OAT: variants seen among roughly 807,000 people sequenced by gnomAD.
OAT encodes the protein ornithine aminotransferase, also known as ornithine aminotransferase, mitochondrial.
OAT carries 35 observed loss-of-function variants against 48.4 expected under a neutral mutation model. The ratio of observed to expected loss-of-function variants is 0.72; its 90% confidence interval spans 0.55 to 0.96. The LOEUF is 0.96. Ranked by LOEUF, OAT falls within the 40% of genes least tolerant of loss-of-function variation. The probability of loss-of-function intolerance (pLI) is 0.00; values close to 1 mark genes in which losing one functional copy is unlikely to be tolerated. For synonymous variants in OAT, 182 were observed against 198.4 expected, an observed-to-expected ratio of 0.92 and a Z score of 0.70; for missense variants, 438 against 537.9, an observed-to-expected ratio of 0.81 and a Z score of 1.84.
At chr10:124,401,055 T>G in intron 8 of OAT, 71 bp from the exon 9 acceptor site, 2 of 1,079,566 alleles carry the variant, frequency 1.9e-6, no homozygotes, top group Admixed American at 4.4e-5. Context: ...CAACGGGGAC[T>G]GTAAACACAG....
In OAT at chr10:124,400,862, A is replaced by C. The variant is rs1390940241; in HGVS notation, c.1137T>G (p.Ala379=). The part of the protein sequence containing the change: ...TAVRGKGLLN[A]IVIKETKDWD... ...TACCTTTGGTTTCTTTAATGACAAT[A>C]GCGTTTAATAATCCTTTTCCTCTTA... Residue 379 remains alanine (A), a synonymous_variant, in exon 9 of 10, where the codon GCT becomes GCG. Transcript: ENST00000368845. 5.0e-6 allele frequency: 8 copies of C among 1,604,390 alleles called. No individual in the cohort carries two copies. Among genetic ancestry groups the C allele is most frequent in the Non-Finnish European group, 6.8e-6 (8 of 1,173,256 alleles).
In OAT at chr10:124,397,920, C is replaced by G; in HGVS notation, c.*22G>C. ...CTGTCTCCAGCTGGCTCCCAGGGAC[C>G]ACTGAAAACAGCTGGCTACCCTCAG... On this transcript the variant is annotated 3_prime_UTR_variant, in exon 10 of 10. Coordinates refer to ENST00000368845, the MANE Select transcript of OAT (RefSeq NM_000274.4). 4 of 1,613,510 alleles carry G rather than the reference C, an allele frequency of 2.5e-6. No homozygotes were observed. Among genetic ancestry groups the G allele is most frequent in the East Asian group, 2.2e-5 (1 of 44,878 alleles).
chr10:124,417,030 T>C (rs1204032021), intron 1 of OAT, among the ~76,000 whole-genome samples: 2 of 152,162 alleles, frequency 1.3e-5, no homozygotes, highest in Admixed American at 6.5e-5. Flanking sequence ...TCCAAATTCG[T>C]GCATTCATCA....
At chr10:124,410,525 A>G (rs1258077617) in intron 2 of OAT, among the ~76,000 whole-genome samples, 2 of 152,246 alleles carry the variant, frequency 1.3e-5, no homozygotes, top group African/African-American at 4.8e-5. Flanking sequence ...AGAGAAAGTC[A>G]GCTGGGCACA....
At chr10:124,406,161 T>C (rs916791507) in intron 4 of OAT, 1 of 965,632 alleles carries the variant, frequency 1.0e-6, no homozygotes, top group Non-Finnish European at 1.2e-6. Flanking sequence ...TTAATAAAGG[T>C]GACTGAGGAT....
rs192915792 is a variant in OAT, at chr10:124,407,218, T to C, written c.520+1324A>G. On this transcript the variant is annotated intron_variant, in intron 4 of 9. Transcript: ENST00000368845. ...TTTGTTTAAGAAGAAATGCACTGAT[T>C]AGACCATAAGCCTATTTGCTCTCCC... 1.7e-5 allele frequency: 17 copies of C among 985,480 alleles called. No individual in the cohort carries two copies. The East Asian group carries it at 1.5e-3, about 85-fold the overall frequency. The allele number at this position is 985,480 out of a possible 1,614,324, so 61.0% of individuals were successfully genotyped here.
chr10:124,411,801 G>GTGAGA (rs1463638250), intron 2 of OAT, among the ~76,000 whole-genome samples, 172 bp downstream of exon 2: 2 of 130,290 alleles, frequency 1.5e-5, no homozygotes, highest in Non-Finnish European at 3.2e-5. Context: ...GGGTGACAGA[G>GTGAGA]TGAGACTCCG....
intron 1 of OAT, among the ~76,000 whole-genome samples, chr10:124,416,735 C>T (rs1277544114): frequency 1.3e-5 from 2 of 152,156 alleles, no homozygotes; most frequent in African/African-American, 4.8e-5. Context: ...TATTTTCTTA[C>T]TCTAAAAGAA....
At chr10:124,402,811 C>T in intron 7 of OAT, 116 bp downstream of exon 7, 2 of 1,421,034 alleles carry the variant, frequency 1.4e-6, no homozygotes, top group Admixed American at 3.5e-5. Context: ...CTGCAGCACA[C>T]TTGGTAAAAT....
At chr10:124,400,191 T>TGTCA (rs1265405326) in intron 9 of OAT, among the ~76,000 whole-genome samples, 1 of 152,164 alleles carries the variant, frequency 6.6e-6, no homozygotes, top group African/African-American at 2.4e-5. Flanking sequence ...GGCTCATGCC[T>TGTCA]GTCATCTCAG....
intron 2 of OAT, among the ~76,000 whole-genome samples, chr10:124,409,702 G>A (rs1951696874): frequency 6.6e-6 from 1 of 152,068 alleles, no homozygotes; most frequent in Admixed American, 6.5e-5. Flanking sequence ...CTAATATCCA[G>A]AATTCTTACA....
intron 4 of OAT, chr10:124,407,396 A>G: frequency 1.0e-6 from 1 of 985,240 alleles, no homozygotes; most frequent in Non-Finnish European, 1.2e-6. Context: ...CTTTGCTATT[A>G]AGAAAGAGAC....
At chr10:124,417,221 TGG>T (rs71026084) in intron 1 of OAT, among the ~76,000 whole-genome samples, 8 of 145,128 alleles carry the variant, frequency 5.5e-5, no homozygotes, top group East Asian at 4.0e-4. Flanking sequence ...GATTTTTCTT[TGG>T]GGGGGGGATG....
Position 124,411,952 on chromosome 10 carries a change from AC to A in OAT, c.199+20del. The A allele has an allele frequency of 2.5e-6, 4 of 1,606,646 alleles. No homozygotes were observed. The highest frequency in any genetic ancestry group is 3.4e-6 in the Non-Finnish European group (4 of 1,174,104). ...AAAAGGTTTCAAGAAAAGGGAAAAGACGGATTAATTTGAAACGTACCTTTTC... is the reference window on the plus strand; with the variant it reads ...AAAAGGTTTCAAGAAAAGGGAAAAGAGGATTAATTTGAAACGTACCTTTTC... On this transcript the variant is annotated intron_variant, in intron 2 of 9. Coordinates refer to ENST00000368845, the MANE Select transcript of OAT (RefSeq NM_000274.4).
Position 124,402,930 on chromosome 10 carries a change from G to GT in OAT, c.896dup (p.Tyr299Ter), listed in dbSNP as rs2134456170. The GT allele has an allele frequency of 6.2e-7, 1 of 1,613,734 alleles. No individual in the cohort carries two copies. Among genetic ancestry groups the GT allele is most frequent in the Non-Finnish European group, 8.5e-7 (1 of 1,179,948 alleles). The stretch of plus-strand genomic sequence containing the variant: ...AGAGGGGGAACATGAAACTTACAGG[G>GT]TATAAGCCCCCAGAAAGGGCCTTTC... Reference protein sequence around the residue: ...LLGKALSGGLYPVSAVLCDDD... With the variant: ...LLGKALSGGL The change falls in exon 7 of 10, where the codon TAC (tyrosine) becomes TAAC (stop). Residue 299 changes from tyrosine to a stop codon, truncating the protein, a stop_gained and frameshift_variant. Transcript: ENST00000368845. LOFTEE classifies it high-confidence loss of function.
intron 5 of OAT, among the ~76,000 whole-genome samples, chr10:124,404,156 T>C (rs991837464): frequency 1.3e-5 from 2 of 151,952 alleles, no homozygotes; most frequent in African/African-American, 2.4e-5. Context: ...GGCTGGAGTA[T>C]AGCAGCACAA....
chr10:124,412,268 T>C, intron 1 of OAT, 68 bp from the exon 2 acceptor site: 1 of 1,289,520 alleles, frequency 7.8e-7, no homozygotes, highest in South Asian at 1.2e-5. Flanking sequence ...CTCAGCACTT[T>C]GGGAGGCTGA....
chr10:124,406,138 TA>T, intron 4 of OAT: 1 of 983,886 alleles, frequency 1.0e-6, no homozygotes, highest in Non-Finnish European at 1.2e-6. Context: ...TCTGCTGGAA[TA>T]TTTTTTATCC....
intron 1 of OAT, chr10:124,414,227 A>G (rs565183597): frequency 6.6e-6 from 1 of 152,224 alleles, no homozygotes; most frequent in Admixed American, 6.5e-5. Context: ...TTAGCAAAAC[A>G]TAATACTTGG....
Sources: gnomAD v4.1 joint callset for allele counts (sites outside exome capture counted in the v4.1 genomes callset) on GRCh38, gnomAD v4.1.1 for gene constraint, MANE v1.5 for transcripts, NCBI Gene and HGNC (gene_info 2026-07-23, HGNC 2026-07-21) for gene names.